The following PLXNA2 variants were observed in gnomAD, a reference collection of about 807,000 sequenced individuals.
PLXNA2 encodes plexin A2, also known as plexin-A2.
PLXNA2 carries 91 observed loss-of-function variants against 193.5 expected under a neutral mutation model. The observed-to-expected ratio is 0.47, with a 90% CI of 0.40 to 0.56. The LOEUF (loss-of-function observed/expected upper bound fraction) is 0.56, where lower values mean the gene tolerates loss of function less well. PLXNA2 is among the 20% of genes least tolerant of loss of function. The pLI, the probability that PLXNA2 is intolerant of heterozygous loss-of-function variation, is 0.00. For missense variants in PLXNA2, 1,995 were observed against 2,503.2 expected (o/e 0.80, Z 4.33); for synonymous variants, 997 against 1,027.3 (o/e 0.97, Z 0.56).
intron 12 of PLXNA2, among the ~76,000 whole-genome samples, chr1:208,065,719 A>G (rs1433043424): frequency 6.6e-6 from 1 of 152,216 alleles, no homozygotes; most frequent in Non-Finnish European, 1.5e-5. Context: ...GAATGCCCGA[A>G]GCCTGAGCTT....
At chr1:208,066,452 T>C (rs757965601) in intron 12 of PLXNA2, among the ~76,000 whole-genome samples, 2 of 152,190 alleles carry the variant, frequency 1.3e-5, no homozygotes, top group East Asian at 1.9e-4. Context: ...TGACGGACCA[T>C]ATATACGACG....
intron 1 of PLXNA2, among the ~76,000 whole-genome samples, chr1:208,224,478 C>T (rs568854536): frequency 2.0e-5 from 3 of 150,076 alleles, no homozygotes; most frequent in African/African-American, 4.9e-5. Context: ...GCACAGACAC[C>T]GAAGATTGTT....
chr1:208,066,857 T>C (rs1288289271), intron 12 of PLXNA2, among the ~76,000 whole-genome samples: 2 of 152,212 alleles, frequency 1.3e-5, no homozygotes, highest in Admixed American at 6.5e-5. Flanking sequence ...GGCTGATGTG[T>C]GTCTTTGTGT....
rs946630387 is a variant in PLXNA2 at position 208,236,880 on chromosome 1, C to T, written c.-81+6763G>A. 6.6e-6 allele frequency among the ~76,000 whole-genome samples: 1 copy of T among 152,226 alleles called. No individual in the cohort carries two copies. The highest frequency in any genetic ancestry group is 2.4e-5 in the African/African-American group (1 of 41,454). Reference sequence around the variant, plus strand: ...TATAGAATCTCCAAGGTTTCACAGGCCTCTTGAAGCCCAAGTATGGCCCTA... The same window carrying T: ...TATAGAATCTCCAAGGTTTCACAGGTCTCTTGAAGCCCAAGTATGGCCCTA... On this transcript the variant is annotated intron_variant, in intron 1 of 31. Transcript: ENST00000367033. This position sits in a 1 kb window ranked among gnomAD's most constrained non-coding sequence, Gnocchi z 4.4.
intron 3 of PLXNA2, among the ~76,000 whole-genome samples, chr1:208,166,950 C>T (rs992911140): frequency 1.3e-5 from 2 of 152,148 alleles, no homozygotes; most frequent in African/African-American, 4.8e-5. Context: ...GCTGCAACTC[C>T]GCACCTGAGT....
chr1:208,068,647 G>A (rs1665873797), intron 12 of PLXNA2, among the ~76,000 whole-genome samples: 1 of 152,228 alleles, frequency 6.6e-6, no homozygotes, highest in Non-Finnish European at 1.5e-5. Context: ...TGATTGATGT[G>A]CAGTAAGGAG....
intron 14 of PLXNA2, 78 bp from the exon 15 acceptor site, chr1:208,052,541 G>A: frequency 2.1e-6 from 3 of 1,435,130 alleles, no homozygotes; most frequent in South Asian, 2.4e-5. Context: ...CTAAGGATGG[G>A]AGAGATTGTT....
At chr1:208,083,956 G>T (rs1666429121) in intron 10 of PLXNA2, among the ~76,000 whole-genome samples, 1 of 152,040 alleles carries the variant, frequency 6.6e-6, no homozygotes, top group South Asian at 2.1e-4. Context: ...ACTCGCTCTG[G>T]TTCAAGTTTC....
intron 12 of PLXNA2, among the ~76,000 whole-genome samples, chr1:208,074,073 C>A (rs1325317232): frequency 1.3e-5 from 2 of 152,200 alleles, no homozygotes; most frequent in Admixed American, 6.5e-5. Context: ...TGAAGAAGAC[C>A]TCTGTTATGT....
intron 10 of PLXNA2, among the ~76,000 whole-genome samples, chr1:208,083,816 C>A (rs1286167250): frequency 1.4e-5 from 2 of 146,400 alleles, no homozygotes; most frequent in East Asian, 4.6e-4. Flanking sequence ...TCCTCCTACC[C>A]CTCCCCTCCC....
In PLXNA2 at chr1:208,082,366, C is replaced by A. The variant is rs752288535; in HGVS notation, c.2395+46G>T. ...TGATCCCTCTAGCCCCAGTCTTTCC[C>A]GGGGTCGTGAAAAGATCAAACTTCT... On this transcript the variant is annotated intron_variant, in intron 11 of 31. Coordinates refer to ENST00000367033, the MANE Select transcript of PLXNA2 (RefSeq NM_025179.4). The surrounding 1 kb of genome is among the most constrained non-coding windows in gnomAD (Gnocchi z 4.2). The A allele has an allele frequency of 2.7e-6, 4 of 1,476,658 alleles. No homozygotes were observed. Among genetic ancestry groups the A allele is most frequent in the Non-Finnish European group, 3.8e-6 (4 of 1,061,944 alleles). 91.5% of individuals were successfully genotyped at this position (1,476,658 alleles called of 1,614,324 possible).
intron 29 of PLXNA2, chr1:208,029,736 T>A: frequency 1.0e-6 from 1 of 985,684 alleles, no homozygotes; most frequent in African/African-American, 1.7e-5. Context: ...GTTAGGAGAC[T>A]TCCTTCTGCA....
intron 12 of PLXNA2, among the ~76,000 whole-genome samples, chr1:208,066,226 A>AGCTAGAAG (rs1280389544): frequency 1.3e-5 from 2 of 152,186 alleles, no homozygotes; most frequent in Non-Finnish European, 2.9e-5. Flanking sequence ...CAGAAGTGAG[A>AGCTAGAAG]GCTAGAAGGA....
At chr1:208,058,037 GAATGCAACCCAGTACCCT>G in intron 13 of PLXNA2, among the ~76,000 whole-genome samples, 1 of 152,284 alleles carries the variant, frequency 6.6e-6, no homozygotes, top group Middle Eastern at 3.4e-3. Flanking sequence ...CAGTCTCCTG[GAATGCAACCCAGTACCCT>G]TGCCCCACAC....
chr1:208,154,188 GC>G (rs2102502779), intron 3 of PLXNA2, among the ~76,000 whole-genome samples: 2 of 152,216 alleles, frequency 1.3e-5, no homozygotes, highest in South Asian at 4.2e-4. Flanking sequence ...TTGTGCTAAC[GC>G]CCCACAGCTG....
At chr1:208,183,399 G>T (rs746139749) in intron 3 of PLXNA2, among the ~76,000 whole-genome samples, 7 of 152,190 alleles carry the variant, frequency 4.6e-5, no homozygotes, top group Non-Finnish European at 8.8e-5. Context: ...AGGGGATGGG[G>T]GAGTAGAGGG....
intron 1 of PLXNA2, among the ~76,000 whole-genome samples, chr1:208,232,338 G>A (rs1398395533): frequency 6.6e-6 from 1 of 152,188 alleles, no homozygotes; most frequent in East Asian, 1.9e-4. Flanking sequence ...CAGCCCAAGA[G>A]TGCAGAAGGC....
rs1310076082 is a variant in PLXNA2 at position 208,027,188 on chromosome 1, C to A, written c.*55G>T. ...ATCACTTGTCCTTCCATCTGAGACT[C>A]CCAGTGTGACAGCTTGGACAGGTCC... On this transcript the variant is annotated 3_prime_UTR_variant, in exon 32 of 32. Coordinates refer to ENST00000367033, the MANE Select transcript of PLXNA2 (RefSeq NM_025179.4). 5 of 1,445,540 alleles carry A rather than the reference C, an allele frequency of 3.5e-6. No individual in the cohort carries two copies. Among genetic ancestry groups the A allele is most frequent in the Non-Finnish European group, 4.8e-6 (5 of 1,031,458 alleles). The allele number at this position is 1,445,540 out of a possible 1,614,324, so 89.5% of individuals were successfully genotyped here.
At chr1:208,076,396 CTTGT>C (rs778437749) in intron 12 of PLXNA2, among the ~76,000 whole-genome samples, 2 of 152,032 alleles carry the variant, frequency 1.3e-5, no homozygotes, top group Non-Finnish European at 2.9e-5. Context: ...TATTTATTTA[CTTGT>C]TTGTTTCTTT....
Sources: allele counts gnomAD v4.1 joint callset (sites outside exome capture counted in the v4.1 genomes callset), GRCh38; gene constraint gnomAD v4.1.1; non-coding constraint Gnocchi (gnomAD v3.1); transcripts MANE v1.5; gene names NCBI Gene and HGNC (gene_info 2026-07-23, HGNC 2026-07-21).